GAS7: variants seen among roughly 807,000 people sequenced by gnomAD.
GAS7 encodes the protein growth arrest specific 7, also known as growth arrest-specific protein 7.
A neutral mutation model predicts 71.1 loss-of-function variants in GAS7; 28 were observed. The ratio of observed to expected loss-of-function variants is 0.39; its 90% CI spans 0.29 to 0.54. GAS7 has a LOEUF of 0.54. GAS7 is among the 20% of genes least tolerant of loss of function. GAS7 has a pLI of 0.62. For missense variants in GAS7, 436 were observed against 627.8 expected (o/e 0.69, Z 3.27); for synonymous variants, 258 against 245.8 (o/e 1.05, Z -0.46).
chr17:10,062,795 A>AG (rs1210422370), intron 1 of GAS7, among the ~76,000 whole-genome samples: 1 of 152,128 alleles, frequency 6.6e-6, no homozygotes, highest in Non-Finnish European at 1.5e-5. Context: ...TCTCTCCCCC[A>AG]GGAGTGCTGA....
intron 1 of GAS7, among the ~76,000 whole-genome samples, chr17:10,169,801 T>G (rs1358281389): frequency 6.6e-6 from 1 of 152,156 alleles, no homozygotes; most frequent in Non-Finnish European, 1.5e-5. Context: ...AATTTATACC[T>G]ACCTTGAATT....
intron 1 of GAS7, among the ~76,000 whole-genome samples, chr17:10,182,921 A>G (rs2074426760): frequency 6.6e-6 from 1 of 152,144 alleles, no homozygotes; most frequent in Admixed American, 6.6e-5. Context: ...CCCAATAAAT[A>G]GCCTTTTCCT....
chr17:10,154,512 C>CA lies in GAS7; in HGVS notation c.183+43695dup, dbSNP rs1209400210. ...GGGTGAGGCCTTGTCTCAAGAAAAA[C>CA]AAAAAAAAAAAATTCACAGGCCAGG... On this transcript the variant is annotated intron_variant, in intron 1 of 13. Transcript: ENST00000432992. Among the ~76,000 whole-genome samples, 655 of 143,662 alleles carry CA rather than the reference C, an allele frequency of 4.6e-3. 5 individuals are homozygous for CA. The highest frequency in any genetic ancestry group is 3.1e-3 in the South Asian group (14 of 4,518). 94.2% of individuals were successfully genotyped at this position (143,662 alleles called of 152,430 possible).
At chr17:9,955,159 C>T (rs1313604726) in intron 5 of GAS7, among the ~76,000 whole-genome samples, 1 of 152,210 alleles carries the variant, frequency 6.6e-6, no homozygotes, top group African/African-American at 2.4e-5. Flanking sequence ...TCCTAGGTCC[C>T]TGGATCAGAA....
intron 1 of GAS7, among the ~76,000 whole-genome samples, chr17:10,092,726 C>A (rs2073597176): frequency 1.3e-5 from 2 of 152,318 alleles, no homozygotes; most frequent in South Asian, 2.1e-4. Context: ...GGGCCACGCC[C>A]CCCTTGGAGG....
chr17:9,981,695 G>A lies in GAS7; in HGVS notation c.385+109C>T. ...TCTCCCAGGCCCAACCCCTCCCTGG[G>A]TTTGCTACATCAGCCAGGTTTAAGA... is the stretch of plus-strand genomic sequence containing the variant. On this transcript the variant is annotated intron_variant, in intron 3 of 13. Coordinates refer to ENST00000432992, the MANE Select transcript of GAS7 (RefSeq NM_201433.2). The surrounding 1 kb of genome is among the most constrained non-coding windows in gnomAD (Gnocchi z 4.4). 1.4e-6 allele frequency: 1 copy of A among 711,792 alleles called. No homozygotes were observed. 44.1% of individuals were successfully genotyped at this position (711,792 alleles called of 1,614,324 possible).
At chr17:10,175,029 G>A (rs2074362918) in intron 1 of GAS7, among the ~76,000 whole-genome samples, 2 of 152,024 alleles carry the variant, frequency 1.3e-5, no homozygotes, top group Non-Finnish European at 2.9e-5. Flanking sequence ...ATTTTCTATA[G>A]AGATGGGGGT....
chr17:9,947,511 G>A (rs1290064337), intron 5 of GAS7, among the ~76,000 whole-genome samples: 2 of 152,122 alleles, frequency 1.3e-5, no homozygotes, highest in Middle Eastern at 3.2e-3. Context: ...TTGGGAGGCC[G>A]AGGCAGGCGG....
At chr17:10,100,272 C>T (rs1414952696) in intron 1 of GAS7, among the ~76,000 whole-genome samples, 2 of 152,164 alleles carry the variant, frequency 1.3e-5, no homozygotes, top group African/African-American at 2.4e-5. Context: ...AACATGTTGC[C>T]GGACACTCAA....
chr17:10,093,805 C>T (rs1439062363), intron 1 of GAS7, among the ~76,000 whole-genome samples: 2 of 152,234 alleles, frequency 1.3e-5, no homozygotes, highest in Middle Eastern at 3.4e-3. Flanking sequence ...AACACTACTA[C>T]GTATTTCATC....
intron 1 of GAS7, among the ~76,000 whole-genome samples, chr17:10,108,471 G>A (rs1186593364): frequency 6.6e-6 from 1 of 152,202 alleles, no homozygotes; most frequent in Non-Finnish European, 1.5e-5. Context: ...ACCATGCACT[G>A]TGATTTTCTA....
chr17:10,063,428 C>T (rs1434740393), intron 1 of GAS7, among the ~76,000 whole-genome samples: 1 of 152,224 alleles, frequency 6.6e-6, no homozygotes, highest in African/African-American at 2.4e-5. Context: ...AATGATCCAC[C>T]ATTTTCTGCC....
chr17:10,051,142 G>C (rs1325425978), intron 1 of GAS7, among the ~76,000 whole-genome samples: 1 of 152,140 alleles, frequency 6.6e-6, no homozygotes, highest in Non-Finnish European at 1.5e-5. Flanking sequence ...TTCCCACATA[G>C]GAAAATGCAG....
At chr17:10,152,798 G>A (rs888377795) in intron 1 of GAS7, among the ~76,000 whole-genome samples, 1 of 152,178 alleles carries the variant, frequency 6.6e-6, no homozygotes, top group Admixed American at 6.5e-5. Flanking sequence ...AGATGAGCAA[G>A]AGTTTCTAGA....
intron 3 of GAS7, among the ~76,000 whole-genome samples, chr17:9,975,461 T>C (rs1439503263): frequency 7.8e-6 from 1 of 127,468 alleles, no homozygotes; most frequent in Non-Finnish European, 1.6e-5. Context: ...CTTCCCTCCC[T>C]CCCTTCCCTT....
chr17:10,056,595 GGC>G (rs2073139795), intron 1 of GAS7, among the ~76,000 whole-genome samples: 1 of 152,024 alleles, frequency 6.6e-6, no homozygotes, highest in Non-Finnish European at 1.5e-5. Flanking sequence ...AAATGGGCCG[GGC>G]GCAGTGGCTC....
intron 1 of GAS7, among the ~76,000 whole-genome samples, chr17:10,158,254 C>G (rs549556922): frequency 6.6e-6 from 1 of 151,644 alleles, no homozygotes; most frequent in South Asian, 2.1e-4. Flanking sequence ...ACCTTGTGAT[C>G]CACCCACCTC....
At chr17:10,185,161 G>A (rs1045520812) in intron 1 of GAS7, among the ~76,000 whole-genome samples, 3 of 152,100 alleles carry the variant, frequency 2.0e-5, no homozygotes, top group African/African-American at 7.2e-5. Context: ...CTGACCTCAG[G>A]TGATCTACCT....
intron 1 of GAS7, among the ~76,000 whole-genome samples, chr17:10,156,128 C>T (rs150360763): frequency 4.9e-4 from 74 of 152,332 alleles, no homozygotes; most frequent in African/African-American, 1.5e-3. Flanking sequence ...TCCTTAGCTC[C>T]GCCACAATGT....
Sources: gnomAD v4.1 joint callset for allele counts (sites outside exome capture counted in the v4.1 genomes callset) on GRCh38, gnomAD v4.1.1 for gene constraint, Gnocchi (gnomAD v3.1) non-coding constraint, MANE v1.5 for transcripts, NCBI Gene and HGNC (gene_info 2026-07-23, HGNC 2026-07-21) for gene names.